Variants in CFAP20DC observed in about 807,000 individuals in gnomAD.
CFAP20DC encodes the protein protein CFAP20DC.
CFAP20DC carries 84 observed loss-of-function variants against 101.7 expected under a neutral mutation model. That is an observed-to-expected ratio of 0.83 (90% CI 0.69 to 0.99). The LOEUF is 0.99. Among genes scored for constraint, CFAP20DC ranks in the 50% least tolerant of loss-of-function variants. The pLI, the probability that CFAP20DC is intolerant of heterozygous loss-of-function variation, is 0.00. For synonymous variants in CFAP20DC, 359 were observed against 351.2 expected (o/e 1.02, Z -0.25); for missense variants, 1,007 against 970.3 (o/e 1.04, Z -0.50).
At chr3:58,963,663 A>G (rs1270107730) in intron 4 of CFAP20DC, among the ~76,000 whole-genome samples, 1 of 152,210 alleles carries the variant, frequency 6.6e-6, no homozygotes, top group Non-Finnish European at 1.5e-5. Flanking sequence ...TTCATTATTC[A>G]TAAAAAGTAA....
intron 4 of CFAP20DC, among the ~76,000 whole-genome samples, chr3:58,942,714 A>C (rs1576417456): frequency 6.6e-6 from 1 of 152,256 alleles, no homozygotes; most frequent in Admixed American, 6.5e-5. Flanking sequence ...CTGGAACACC[A>C]GTGAGACAGA....
rs758492598 is a variant in CFAP20DC, at chr3:58,728,223, T to G, written c.198-10595A>C. ...AGTGGGCTAAGTCTATAGTAACATG[T>G]TATTATAATTAAATAACGTAATAAT... On this transcript the variant is annotated intron_variant, in intron 3 of 3. Coordinates refer to the CFAP20DC transcript ENST00000486145. The surrounding 1 kb of genome is among the most constrained non-coding windows in gnomAD (Gnocchi z 4.7). 8 of 152,266 alleles carry G rather than the reference T, an allele frequency of 5.3e-5. No homozygotes were observed. Among genetic ancestry groups the G allele is most frequent in the Non-Finnish European group, 1.0e-4 (7 of 68,054 alleles). 9.4% of individuals were successfully genotyped at this position (152,266 alleles called of 1,614,324 possible).
At chr3:58,965,983 A>T (rs571255839) in intron 4 of CFAP20DC, among the ~76,000 whole-genome samples, 1 of 152,248 alleles carries the variant, frequency 6.6e-6, no homozygotes, top group Non-Finnish European at 1.5e-5. Flanking sequence ...AAAAATGGTC[A>T]GGATCAACTT....
At position 58,913,949 on chromosome 3, in the gene CFAP20DC, G is replaced by C; in HGVS notation, c.394-85C>G. 4 of 1,401,258 alleles carry C rather than the reference G, an allele frequency of 2.9e-6. No homozygotes were observed. Among genetic ancestry groups the C allele is most frequent in the Non-Finnish European group, 3.0e-6 (3 of 1,007,100 alleles). The allele number at this position is 1,401,258 out of a possible 1,614,324, so 86.8% of individuals were successfully genotyped here. ...CCATCTATATGTAGACATTCAAAGA[G>C]TTGAGGCAGTTATCCTGATCAACAA... is the stretch of plus-strand genomic sequence containing the variant. On this transcript the variant is annotated intron_variant, in intron 5 of 16. Coordinates refer to ENST00000482387, the MANE Select transcript of CFAP20DC (RefSeq NM_001394063.1). The surrounding 1 kb of genome is among the most constrained non-coding windows in gnomAD (Gnocchi z 4.4).
chr3:58,750,871 G>A (rs1191771620), intron 16 of CFAP20DC, among the ~76,000 whole-genome samples: 3 of 152,152 alleles, frequency 2.0e-5, no homozygotes, highest in South Asian at 2.1e-4. Flanking sequence ...TAAGAGCCAC[G>A]GCATAAGGTG....
At chr3:58,933,865 G>T (rs1576370994) in intron 5 of CFAP20DC, among the ~76,000 whole-genome samples, 1 of 151,748 alleles carries the variant, frequency 6.6e-6, no homozygotes, top group South Asian at 2.1e-4. Context: ...AAAACAACTA[G>T]AAAAGCAAGA....
At chr3:58,736,248 A>G (rs1164532233) in intron 3 of CFAP20DC, among the ~76,000 whole-genome samples, 1 of 152,194 alleles carries the variant, frequency 6.6e-6, no homozygotes, top group Non-Finnish European at 1.5e-5. Context: ...GTTTTAAAGG[A>G]AAAAGGAAGC....
intron 13 of CFAP20DC, among the ~76,000 whole-genome samples, chr3:58,840,890 A>C (rs925731326): frequency 1.3e-5 from 2 of 152,240 alleles, no homozygotes; most frequent in African/African-American, 4.8e-5. Context: ...AATGTGTCCA[A>C]GGTTGCATAG....
intron 3 of CFAP20DC, among the ~76,000 whole-genome samples, 184 bp downstream of exon 3, chr3:59,046,045 T>C (rs970063648): frequency 9.2e-5 from 14 of 152,110 alleles, no homozygotes; most frequent in Admixed American, 9.2e-4. Context: ...AGGTAGAATA[T>C]ATTTTTTTAA....
intron 5 of CFAP20DC, among the ~76,000 whole-genome samples, chr3:58,927,748 C>A (rs2086143121): frequency 6.6e-6 from 1 of 152,126 alleles, no homozygotes; most frequent in African/African-American, 2.4e-5. Context: ...GGGGCCAATA[C>A]CACATCAACA....
At chr3:58,845,081 C>T (rs2108245812) in intron 13 of CFAP20DC, among the ~76,000 whole-genome samples, 1 of 144,034 alleles carries the variant, frequency 6.9e-6, no homozygotes, top group South Asian at 2.3e-4. Context: ...AAATTGACAC[C>T]CTAACATCAC....
chr3:58,927,064 C>T (rs575642191), intron 5 of CFAP20DC, among the ~76,000 whole-genome samples: 16 of 152,174 alleles, frequency 1.1e-4, no homozygotes, highest in African/African-American at 2.4e-4. Context: ...TCTATTTAAT[C>T]GGATAGTTTT....
chr3:59,012,365 C>T (rs1276050094), intron 4 of CFAP20DC, among the ~76,000 whole-genome samples: 4 of 151,782 alleles, frequency 2.6e-5, no homozygotes. Flanking sequence ...CAGCATAAGG[C>T]TGAGGAAATA....
Position 58,729,244 on chromosome 3 carries a change from T to C in CFAP20DC, c.198-11616A>G, listed in dbSNP as rs2067600321. ...GCAGCAATAGACAACTAATATAATATTTTAATTCGTATCAATAAATGTTTC... is the reference window on the plus strand; with the variant it reads ...GCAGCAATAGACAACTAATATAATACTTTAATTCGTATCAATAAATGTTTC... On this transcript the variant is annotated intron_variant, in intron 3 of 3. Coordinates refer to the CFAP20DC transcript ENST00000486145. This position sits in a 1 kb window ranked among gnomAD's most constrained non-coding sequence, Gnocchi z 4.4. 1.3e-5 allele frequency among the ~76,000 whole-genome samples: 2 copies of C among 152,224 alleles called. No individual in the cohort carries two copies. The highest frequency in any genetic ancestry group is 4.1e-4 in the South Asian group (2 of 4,828).
chr3:58,949,370 G>A (rs1225668476), intron 4 of CFAP20DC, among the ~76,000 whole-genome samples: 1 of 152,030 alleles, frequency 6.6e-6, no homozygotes, highest in African/African-American at 2.4e-5. Flanking sequence ...TTTTAATTGT[G>A]ATGTTACGGT....
intron 4 of CFAP20DC, among the ~76,000 whole-genome samples, chr3:59,033,821 C>T (rs921021631): frequency 6.6e-6 from 1 of 152,024 alleles, no homozygotes. Flanking sequence ...CAAGACAGGC[C>T]AACATTCAAA....
rs188681078 is a variant in CFAP20DC at position 58,988,659 on chromosome 3, C to T, written c.279-50897G>A. On this transcript the variant is annotated intron_variant, in intron 4 of 16. Coordinates refer to ENST00000482387, the MANE Select transcript of CFAP20DC (RefSeq NM_001394063.1). The stretch of plus-strand genomic sequence containing the variant: ...GTAAGCTACTCAGTTTATGATACTT[C>T]GTTAAAGCAGCCCAAATGGATTAAG... 7.2e-5 allele frequency among the ~76,000 whole-genome samples: 11 copies of T among 152,270 alleles called. No individual in the cohort carries two copies. In the East Asian group the frequency reaches 1.3e-3, roughly 19 times the overall value.
chr3:59,032,833 A>G lies in CFAP20DC; in HGVS notation c.278+6724T>C, dbSNP rs192842503. ...ATGAGAGCAGTGGATCTCCCAGCACAGCACTCGAGCTCTGCTAAGGGACAG... is the reference window on the plus strand; with the variant it reads ...ATGAGAGCAGTGGATCTCCCAGCACGGCACTCGAGCTCTGCTAAGGGACAG... On this transcript the variant is annotated intron_variant, in intron 4 of 16. Coordinates refer to ENST00000482387, the MANE Select transcript of CFAP20DC (RefSeq NM_001394063.1). Among the ~76,000 whole-genome samples the G allele has an allele frequency of 6.6e-5, 10 of 152,262 alleles. No individual in the cohort carries two copies. In the East Asian group the frequency reaches 1.7e-3, roughly 27 times the overall value.
rs1435942504 is a variant in CFAP20DC at position 58,729,444 on chromosome 3, C to G, written c.198-11816G>C. 6.6e-6 allele frequency among the ~76,000 whole-genome samples: 1 copy of G among 151,406 alleles called. No homozygotes were observed. The highest frequency in any genetic ancestry group is 2.1e-4 in the South Asian group (1 of 4,768). ...TGATTTTTATATAATGACTTTTATC[C>G]AACAACATTAACGAATTCTTATAAC... On this transcript the variant is annotated intron_variant, in intron 3 of 3. Transcript: ENST00000486145. This position sits in a 1 kb window ranked among gnomAD's most constrained non-coding sequence, Gnocchi z 4.4.
Sources: gnomAD v4.1 joint callset for allele counts (sites outside exome capture counted in the v4.1 genomes callset) on GRCh38, gnomAD v4.1.1 for gene constraint, Gnocchi (gnomAD v3.1) non-coding constraint, MANE v1.5 for transcripts, NCBI Gene and HGNC (gene_info 2026-07-23, HGNC 2026-07-21) for gene names.